SKAP2: variants seen among roughly 807,000 people sequenced by gnomAD.
SKAP2 encodes the protein src kinase associated phosphoprotein 2.
Under a neutral mutation model 54.9 loss-of-function variants are expected in SKAP2, and 28 were observed. That is an observed-to-expected ratio of 0.51 (90% CI 0.38 to 0.70). The LOEUF (loss-of-function observed/expected upper bound fraction) is 0.70. Ranked by LOEUF, SKAP2 falls within the 30% of genes least tolerant of loss-of-function variation. The pLI is 0.00. For missense variants in SKAP2, 356 were observed against 424.1 expected (o/e 0.84, Z 1.41); for synonymous variants, 137 against 134.3 (o/e 1.02, Z -0.14).
At chr7:26,736,099 A>G (rs1052316990) in intron 6 of SKAP2, among the ~76,000 whole-genome samples, 2 of 152,192 alleles carry the variant, frequency 1.3e-5, no homozygotes, top group Admixed American at 6.5e-5. Context: ...AGGCTTTTAA[A>G]CCAGAGCAAC....
At chr7:26,843,736 G>T in intron 4 of SKAP2, among the ~76,000 whole-genome samples, 1 of 151,694 alleles carries the variant, frequency 6.6e-6, no homozygotes, top group South Asian at 2.1e-4. Context: ...AATTAAGCAA[G>T]AATCTGATAA....
At chr7:26,852,724 A>G (rs1289518983) in intron 3 of SKAP2, among the ~76,000 whole-genome samples, 1 of 152,160 alleles carries the variant, frequency 6.6e-6, no homozygotes, top group East Asian at 1.9e-4. Flanking sequence ...ACTATTACTG[A>G]TCCATATGCA....
At chr7:26,744,480 A>G (rs1268417646) in intron 4 of SKAP2, among the ~76,000 whole-genome samples, 2 of 152,180 alleles carry the variant, frequency 1.3e-5, no homozygotes, top group Non-Finnish European at 2.9e-5. Flanking sequence ...GGCCTAGAAC[A>G]GCACGCAAGT....
intron 9 of SKAP2, among the ~76,000 whole-genome samples, chr7:26,716,206 G>T (rs1157137857): frequency 2.0e-5 from 3 of 151,908 alleles, no homozygotes; most frequent in Non-Finnish European, 4.4e-5. Context: ...TGCCTCCTTG[G>T]TCTATCAGTT....
intron 4 of SKAP2, among the ~76,000 whole-genome samples, chr7:26,780,254 A>T (rs983074291): frequency 6.6e-6 from 1 of 152,140 alleles, no homozygotes; most frequent in African/African-American, 2.4e-5. Context: ...ACATTAGCAA[A>T]TGCTCAATAA....
intron 10 of SKAP2, among the ~76,000 whole-genome samples, chr7:26,687,648 A>T (rs1166507657): frequency 6.6e-6 from 1 of 152,110 alleles, no homozygotes; most frequent in Non-Finnish European, 1.5e-5. Flanking sequence ...TTGTTCCTTA[A>T]AGGGCAGCAA....
chr7:26,815,655 A>T (rs770079075), intron 4 of SKAP2, among the ~76,000 whole-genome samples: 1 of 152,092 alleles, frequency 6.6e-6, no homozygotes, highest in Non-Finnish European at 1.5e-5. Flanking sequence ...AGGGAGGACA[A>T]AGTGGAAGAC....
intron 4 of SKAP2, among the ~76,000 whole-genome samples, chr7:26,751,902 T>C (rs537923117): frequency 2.6e-4 from 40 of 151,490 alleles, no homozygotes; most frequent in Non-Finnish European, 5.0e-4. Context: ...AGGGGGAGGA[T>C]GGAAGATGGA....
At chr7:26,820,102 G>A (rs1290977119) in intron 4 of SKAP2, among the ~76,000 whole-genome samples, 1 of 152,182 alleles carries the variant, frequency 6.6e-6, no homozygotes, top group African/African-American at 2.4e-5. Context: ...AATATTGCTT[G>A]AGCCCAAGAA....
intron 4 of SKAP2, among the ~76,000 whole-genome samples, chr7:26,744,196 C>T (rs994493035): frequency 4.0e-5 from 6 of 151,054 alleles, no homozygotes; most frequent in Non-Finnish European, 8.9e-5. Context: ...TGTTTAAATG[C>T]CTGTAATATA....
downstream of SKAP2, among the ~76,000 whole-genome samples, chr7:26,665,853 T>C (rs1273890284): frequency 1.3e-5 from 2 of 152,182 alleles, no homozygotes; most frequent in African/African-American, 4.8e-5. Flanking sequence ...TGTTGTGCAT[T>C]TGAGTATATA....
intron 9 of SKAP2, among the ~76,000 whole-genome samples, chr7:26,716,508 A>C (rs1454333220): frequency 6.6e-6 from 1 of 152,160 alleles, no homozygotes; most frequent in Non-Finnish European, 1.5e-5. Flanking sequence ...TTTCAGGTGT[A>C]TCTCCAAGAA....
chr7:26,759,957 AGCT>A (rs889055276), intron 4 of SKAP2, among the ~76,000 whole-genome samples: 7 of 127,582 alleles, frequency 5.5e-5, no homozygotes, highest in African/African-American at 1.5e-4. Flanking sequence ...CTTAAAACAA[AGCT>A]TTGAGTGAAA....
At chr7:26,711,532 T>C (rs1188736857) in intron 9 of SKAP2, among the ~76,000 whole-genome samples, 2 of 152,190 alleles carry the variant, frequency 1.3e-5, no homozygotes, top group African/African-American at 4.8e-5. Context: ...ACTCAATATA[T>C]TGATTTTGTT....
chr7:26,751,890 G>A (rs1460603980), intron 4 of SKAP2, among the ~76,000 whole-genome samples: 1 of 151,902 alleles, frequency 6.6e-6, no homozygotes, highest in Non-Finnish European at 1.5e-5. Context: ...AGGGTGGGAG[G>A]GAGGGGGAGG....
intron 3 of SKAP2, among the ~76,000 whole-genome samples, chr7:26,848,534 T>TA (rs1784974292): frequency 6.6e-6 from 1 of 152,150 alleles, no homozygotes; most frequent in South Asian, 2.1e-4. Flanking sequence ...TCATTATATA[T>TA]ATGCAAATGT....
chr7:26,771,974 G>T (rs754234604), intron 4 of SKAP2, among the ~76,000 whole-genome samples: 1 of 152,058 alleles, frequency 6.6e-6, no homozygotes, highest in Non-Finnish European at 1.5e-5. Flanking sequence ...TATTCCTATC[G>T]CCTGGAAGAT....
At chr7:26,852,713 A>G (rs1785070478) in intron 3 of SKAP2, among the ~76,000 whole-genome samples, 1 of 152,202 alleles carries the variant, frequency 6.6e-6, no homozygotes, top group African/African-American at 2.4e-5. Context: ...AAAGCTTCCC[A>G]ACTATTACTG....
intron 4 of SKAP2, among the ~76,000 whole-genome samples, chr7:26,802,049 T>C (rs544656944): frequency 6.6e-6 from 1 of 152,204 alleles, no homozygotes; most frequent in East Asian, 1.9e-4. Flanking sequence ...CAGCCAATGT[T>C]ACCCTAAGCA....
Sources: allele counts gnomAD v4.1 joint callset (sites outside exome capture counted in the v4.1 genomes callset), GRCh38; gene constraint gnomAD v4.1.1; transcripts MANE v1.5; gene names NCBI Gene and HGNC (gene_info 2026-07-23, HGNC 2026-07-21).